Variants in RAPGEF4 observed in about 807,000 individuals in gnomAD.
RAPGEF4 encodes the protein Rap guanine nucleotide exchange factor 4, also known as RAP guanine-nucleotide-exchange factor (GEF) 4.
RAPGEF4 carries 66 observed loss-of-function variants against 147.9 expected under a neutral mutation model. That is an observed-to-expected ratio of 0.45 (90% CI 0.37 to 0.55). The LOEUF (loss-of-function observed/expected upper bound fraction) is 0.55, where lower values mean the gene tolerates loss of function less well. RAPGEF4 is among the 20% of genes least tolerant of loss of function. The pLI is 0.00. For missense variants in RAPGEF4, 1,071 were observed against 1,257.3 expected (o/e 0.85, Z 2.24); for synonymous variants, 419 against 442.7 (o/e 0.95, Z 0.67).
chr2:172,925,397 C>T (rs1477851533), intron 6 of RAPGEF4, among the ~76,000 whole-genome samples: 6 of 152,140 alleles, frequency 3.9e-5, no homozygotes, highest in Non-Finnish European at 5.9e-5. Flanking sequence ...AATTCCTTTT[C>T]ATATATTGCA....
chr2:172,961,124 C>A lies in RAPGEF4; in HGVS notation c.594C>A (p.Val198=). Reference sequence around the variant, plus strand: ...CCTTCCACCTGATTACAATCCAGGTCCCTTCAGAGAAGATCCTCAGAGCTG... The same window carrying A: ...CCTTCCACCTGATTACAATCCAGGTACCTTCAGAGAAGATCCTCAGAGCTG... ...PLRPANTITK[V]PSEKILRAGK... is the part of the protein sequence containing the mutation. Residue 198 remains valine, a splice_region_variant and synonymous_variant, in exon 8 of 31, where the codon GTC becomes GTA. Transcript: ENST00000397081. 1 of 1,598,360 alleles carries A rather than the reference C, an allele frequency of 6.3e-7. No homozygotes were observed. The highest frequency in any genetic ancestry group is 1.1e-5 in the South Asian group (1 of 90,756).
At chr2:173,035,262 A>G (rs1311629949) in intron 27 of RAPGEF4, among the ~76,000 whole-genome samples, 3 of 151,808 alleles carry the variant, frequency 2.0e-5, no homozygotes, top group Non-Finnish European at 4.4e-5. Context: ...TAATCCCAGC[A>G]CTTTGGGAGG....
At chr2:172,827,138 C>A (rs193185473) in intron 4 of RAPGEF4, among the ~76,000 whole-genome samples, 1 of 152,036 alleles carries the variant, frequency 6.6e-6, no homozygotes, top group Non-Finnish European at 1.5e-5. Flanking sequence ...GTGATCATTA[C>A]TAAATGAAAA....
chr2:172,899,901 T>C (rs1006190591), intron 4 of RAPGEF4, among the ~76,000 whole-genome samples: 1 of 152,182 alleles, frequency 6.6e-6, no homozygotes, highest in Non-Finnish European at 1.5e-5. Flanking sequence ...GACATGCTTA[T>C]CAAGGAAAAA....
intron 10 of RAPGEF4, among the ~76,000 whole-genome samples, chr2:172,977,575 C>T (rs1691208214): frequency 6.6e-6 from 1 of 152,004 alleles, no homozygotes; most frequent in Non-Finnish European, 1.5e-5. Context: ...CTGCCACGAA[C>T]ACTGAGCCCC....
rs146966807 is a variant in RAPGEF4, at chr2:172,888,698, T to C, written c.445-29104T>C. Among the ~76,000 whole-genome samples, 7 of 152,368 alleles carry C rather than the reference T, an allele frequency of 4.6e-5. No individual in the cohort carries two copies. The East Asian group carries it at 1.3e-3, about 29-fold the overall frequency. Reference sequence around the variant, plus strand: ...TTAAAAAGCTGCTTTGAATCCATAATGGCCTTTGCAATATCAGCTTGGTGA... The same window carrying C: ...TTAAAAAGCTGCTTTGAATCCATAACGGCCTTTGCAATATCAGCTTGGTGA... On this transcript the variant is annotated intron_variant, in intron 4 of 30. Coordinates refer to ENST00000397081, the MANE Select transcript of RAPGEF4 (RefSeq NM_007023.4).
intron 10 of RAPGEF4, among the ~76,000 whole-genome samples, chr2:172,969,276 G>A (rs1690206823): frequency 6.6e-6 from 1 of 152,206 alleles, no homozygotes; most frequent in African/African-American, 2.4e-5. Flanking sequence ...AAGGCATTAA[G>A]GTAAACATTG....
At chr2:173,009,336 G>A (rs1193483960) in intron 17 of RAPGEF4, among the ~76,000 whole-genome samples, 1 of 152,168 alleles carries the variant, frequency 6.6e-6, no homozygotes, top group Non-Finnish European at 1.5e-5. Context: ...TAAATTATCT[G>A]TAATCAGTTG....
At chr2:172,892,416 C>A (rs1338496260) in intron 4 of RAPGEF4, among the ~76,000 whole-genome samples, 1 of 152,214 alleles carries the variant, frequency 6.6e-6, no homozygotes, top group Middle Eastern at 3.2e-3. Context: ...CTGTGACAGA[C>A]AGTCCCTGTG....
chr2:173,046,787 C>T (rs1043330537), intron 29 of RAPGEF4, among the ~76,000 whole-genome samples: 26 of 152,150 alleles, frequency 1.7e-4, no homozygotes, highest in Non-Finnish European at 2.9e-4. Context: ...CTAACTTTTC[C>T]AATTGCCTCT....
chr2:172,785,419 G>A (rs890725629), intron 1 of RAPGEF4, among the ~76,000 whole-genome samples: 2 of 151,962 alleles, frequency 1.3e-5, no homozygotes, highest in East Asian at 1.9e-4. Context: ...TGATGACGAC[G>A]GTGGTACTAG....
chr2:172,778,579 C>A (rs1684393418), intron 1 of RAPGEF4, among the ~76,000 whole-genome samples: 2 of 151,944 alleles, frequency 1.3e-5, no homozygotes, highest in African/African-American at 4.8e-5. Flanking sequence ...GGTTTAGAAC[C>A]ATTTTCAATT....
At chr2:172,847,820 T>C (rs1427628818) in intron 4 of RAPGEF4, among the ~76,000 whole-genome samples, 1 of 152,230 alleles carries the variant, frequency 6.6e-6, no homozygotes, top group Non-Finnish European at 1.5e-5. Context: ...TCTACTTTAA[T>C]AGGACCATGT....
At chr2:172,909,404 G>A (rs771083097) in intron 4 of RAPGEF4, among the ~76,000 whole-genome samples, 9 of 152,306 alleles carry the variant, frequency 5.9e-5, no homozygotes, top group African/African-American at 2.2e-4. Flanking sequence ...TGTAGGACTT[G>A]AGCCAAAGAC....
At position 172,922,274 on chromosome 2, in the gene RAPGEF4, C is replaced by T; in HGVS notation, c.518-7C>T. 1 of 1,607,148 alleles carries T rather than the reference C, an allele frequency of 6.2e-7. No individual in the cohort carries two copies. Among genetic ancestry groups the T allele is most frequent in the East Asian group, 2.2e-5 (1 of 44,824 alleles). On this transcript the variant is annotated splice_region_variant and splice_polypyrimidine_tract_variant and intron_variant, in intron 5 of 30. Transcript: ENST00000397081. ...TGGCCTCTCTCTGTCTCTTTTTCCT[C>T]CTTTAGGGATTCCTGACAAGGAGAA... is the stretch of plus-strand genomic sequence containing the variant.
At chr2:172,748,000 T>C (rs1346736957) in intron 1 of RAPGEF4, among the ~76,000 whole-genome samples, 1 of 152,238 alleles carries the variant, frequency 6.6e-6, no homozygotes, top group Admixed American at 6.5e-5. Flanking sequence ...CAAGGTTTCC[T>C]TTATTTTTAA....
chr2:172,920,810 A>G (rs1179534595), intron 5 of RAPGEF4, among the ~76,000 whole-genome samples: 1 of 152,182 alleles, frequency 6.6e-6, no homozygotes, highest in Non-Finnish European at 1.5e-5. Flanking sequence ...CAGATGGATG[A>G]TGGATGGGTG....
chr2:172,902,936 T>C (rs771435774), intron 4 of RAPGEF4, among the ~76,000 whole-genome samples: 15 of 152,178 alleles, frequency 9.9e-5, no homozygotes, highest in Non-Finnish European at 2.1e-4. Context: ...TTGGCTTAGA[T>C]TGACAAGGAT....
intron 28 of RAPGEF4, 38 bp from the exon 29 acceptor site, chr2:173,036,590 C>T (rs749043268): frequency 2.7e-6 from 4 of 1,472,518 alleles, no homozygotes; most frequent in African/African-American, 1.4e-5. Context: ...TGACATATTT[C>T]CATTAGTGAT....
Sources: allele counts gnomAD v4.1 joint callset (sites outside exome capture counted in the v4.1 genomes callset), GRCh38; gene constraint gnomAD v4.1.1; transcripts MANE v1.5; gene names NCBI Gene and HGNC (gene_info 2026-07-23, HGNC 2026-07-21).